OPCML: variants seen among roughly 807,000 people sequenced by gnomAD.
OPCML encodes the protein opioid-binding protein/cell adhesion molecule.
Under a neutral mutation model 37.8 loss-of-function variants are expected in OPCML, and 13 were observed. The observed-to-expected ratio is 0.34, with a 90% CI of 0.22 to 0.55. OPCML has a LOEUF of 0.55. OPCML is among the 20% of genes least tolerant of loss of function. The pLI, the probability that OPCML is intolerant of heterozygous loss-of-function variation, is 0.91. For missense variants in OPCML, 341 were observed against 435.6 expected (o/e 0.78, Z 1.93); for synonymous variants, 176 against 168.8 (o/e 1.04, Z -0.33).
chr11:133,197,126 T>C (rs1938566485), intron 1 of OPCML, among the ~76,000 whole-genome samples: 1 of 152,234 alleles, frequency 6.6e-6, no homozygotes, highest in African/African-American at 2.4e-5. Context: ...GAAACACCTA[T>C]AAAATATTTT....
intron 3 of OPCML, among the ~76,000 whole-genome samples, chr11:132,637,129 A>C (rs969420638): frequency 8.7e-6 from 1 of 114,836 alleles, no homozygotes; most frequent in African/African-American, 3.9e-5. Flanking sequence ...AAACCTAGAA[A>C]AGGAATTAGA....
chr11:133,056,420 C>A (rs1489035017), intron 1 of OPCML, among the ~76,000 whole-genome samples: 2 of 152,210 alleles, frequency 1.3e-5, no homozygotes, highest in African/African-American at 4.8e-5. Context: ...AATGCTAAAT[C>A]TCTCCCCAGA....
intron 2 of OPCML, among the ~76,000 whole-genome samples, chr11:132,802,264 C>T (rs1006490728): frequency 6.6e-6 from 1 of 152,192 alleles, no homozygotes; most frequent in Admixed American, 6.5e-5. Context: ...CTGAAGTGAG[C>T]TTTACTTAAG....
chr11:132,754,721 T>G lies in OPCML; in HGVS notation c.147-97402A>C, dbSNP rs1006848607. Among the ~76,000 whole-genome samples the G allele has an allele frequency of 3.5e-4, 53 of 152,154 alleles. 1 individual carries two copies. The highest frequency in any genetic ancestry group is 8.8e-5 in the Non-Finnish European group (6 of 67,986). ...GGGAGGGGCAGGCTCAGAAATGGCT[T>G]CAAAATTAATGTGACCATGAGCTGA... On this transcript the variant is annotated intron_variant, in intron 2 of 7. Coordinates refer to ENST00000524381, the MANE Select transcript of OPCML (RefSeq NM_001012393.5).
chr11:133,372,709 A>G (rs1263306560), intron 1 of OPCML, among the ~76,000 whole-genome samples: 3 of 152,212 alleles, frequency 2.0e-5, no homozygotes, highest in Non-Finnish European at 2.9e-5. Context: ...GAGATTCCCA[A>G]TATCATCCTA....
intron 1 of OPCML, among the ~76,000 whole-genome samples, chr11:133,220,001 A>T (rs549047379): frequency 1.3e-5 from 2 of 152,310 alleles, no homozygotes; most frequent in South Asian, 4.1e-4. Flanking sequence ...TTTTCTATTT[A>T]ATGTTAACCT....
At chr11:133,366,556 C>T (rs926932068) in intron 1 of OPCML, among the ~76,000 whole-genome samples, 3 of 152,162 alleles carry the variant, frequency 2.0e-5, no homozygotes, top group African/African-American at 7.2e-5. Flanking sequence ...TTCCTCTTCC[C>T]TTGATCTCCA....
chr11:133,269,643 G>T (rs933079934), intron 1 of OPCML, among the ~76,000 whole-genome samples: 4 of 152,154 alleles, frequency 2.6e-5, no homozygotes, highest in African/African-American at 7.2e-5. Flanking sequence ...TTCAGGCAAT[G>T]GTAAAAACTA....
chr11:133,020,279 G>A (rs1269015943), intron 1 of OPCML, among the ~76,000 whole-genome samples: 2 of 152,188 alleles, frequency 1.3e-5, no homozygotes, highest in Non-Finnish European at 2.9e-5. Context: ...GGCCTCCCTG[G>A]ATTGCAATGG....
chr11:132,589,913 C>T lies in OPCML; in HGVS notation c.380-60727G>A, dbSNP rs557401020. On this transcript the variant is annotated intron_variant, in intron 3 of 7. Coordinates refer to ENST00000524381, the MANE Select transcript of OPCML (RefSeq NM_001012393.5). ...ACAGTCTAAGCATCATATGCTGTTT[C>T]TGTAGCTTATTCTTCTGCATGTTTT... Among the ~76,000 whole-genome samples, 423 of 152,272 alleles carry T rather than the reference C, an allele frequency of 2.8e-3. 4 individuals are homozygous for T. The highest frequency in any genetic ancestry group is 4.5e-3 in the Non-Finnish European group (309 of 68,024).
intron 4 of OPCML, among the ~76,000 whole-genome samples, chr11:132,441,403 C>T (rs1565565303): frequency 6.6e-6 from 1 of 151,668 alleles, no homozygotes; most frequent in Non-Finnish European, 1.5e-5. Flanking sequence ...CTCCTGACCT[C>T]GTGATCCGCC....
At chr11:132,923,858 G>A (rs1200547240) in intron 2 of OPCML, among the ~76,000 whole-genome samples, 1 of 141,974 alleles carries the variant, frequency 7.0e-6, no homozygotes, top group East Asian at 2.2e-4. Context: ...CCGCCTCCCA[G>A]GTTCAAGCAA....
intron 1 of OPCML, among the ~76,000 whole-genome samples, chr11:133,523,963 T>G (rs544990706): frequency 2.0e-5 from 3 of 152,202 alleles, no homozygotes; most frequent in Non-Finnish European, 4.4e-5. Flanking sequence ...TCCCCTTCCA[T>G]AGTTTCATGT....
chr11:133,063,569 T>G (rs1434600676), intron 1 of OPCML, among the ~76,000 whole-genome samples: 6 of 49,908 alleles, frequency 1.2e-4, no homozygotes, highest in Non-Finnish European at 2.3e-4. Context: ...GAGCTGTTGG[T>G]TTTTTTTTTC....
intron 1 of OPCML, among the ~76,000 whole-genome samples, chr11:133,153,866 T>C (rs115967086): frequency 6.6e-6 from 1 of 152,148 alleles, no homozygotes; most frequent in African/African-American, 2.4e-5. Flanking sequence ...CATCTGGATA[T>C]AGAAGTTGGA....
At chr11:133,419,147 A>G in intron 1 of OPCML, 2 of 665,764 alleles carry the variant, frequency 3.0e-6, no homozygotes, top group Non-Finnish European at 3.7e-6. Context: ...ATGCTAATAA[A>G]ACTCCTTCTC....
At chr11:132,854,084 A>G (rs1941939522) in intron 2 of OPCML, among the ~76,000 whole-genome samples, 1 of 152,216 alleles carries the variant, frequency 6.6e-6, no homozygotes. Flanking sequence ...AAACAACTAT[A>G]AATAGGGAAT....
chr11:132,586,278 T>C (rs1300727179), intron 3 of OPCML, among the ~76,000 whole-genome samples: 4 of 152,204 alleles, frequency 2.6e-5, no homozygotes, highest in Non-Finnish European at 5.9e-5. Flanking sequence ...GATTCTCAAT[T>C]TCTGAGACTT....
chr11:133,047,719 C>G (rs563819124), intron 1 of OPCML, among the ~76,000 whole-genome samples: 66 of 152,160 alleles, frequency 4.3e-4, no homozygotes, highest in Admixed American at 1.8e-3. Context: ...CAGGGAGCAG[C>G]TTGAAAGATT....
Sources: allele counts gnomAD v4.1 joint callset (sites outside exome capture counted in the v4.1 genomes callset), GRCh38; gene constraint gnomAD v4.1.1; transcripts MANE v1.5; gene names NCBI Gene and HGNC (gene_info 2026-07-23, HGNC 2026-07-21).